Variants in CMIP observed in about 807,000 individuals in gnomAD.
The protein encoded by CMIP is C-Maf-inducing protein.
A neutral mutation model predicts 97.3 loss-of-function variants in CMIP; 13 were observed. The ratio of observed to expected loss-of-function variants is 0.13; its 90% CI spans 0.09 to 0.21. The LOEUF is 0.21. Among genes scored for constraint, CMIP ranks in the 10% least tolerant of loss-of-function variants. CMIP has a pLI of 1.00. For synonymous variants in CMIP, 538 were observed against 436.3 expected (o/e 1.23, Z -2.91); for missense variants, 847 against 1,024.9 (o/e 0.83, Z 2.37).
chr16:81,551,682 A>T (rs889724362), intron 1 of CMIP, among the ~76,000 whole-genome samples: 3 of 152,198 alleles, frequency 2.0e-5, no homozygotes, highest in African/African-American at 4.8e-5. Context: ...TCATTTGGTG[A>T]CTAAGGCAAA....
chr16:81,600,372 A>G (rs1256895851), intron 1 of CMIP, among the ~76,000 whole-genome samples: 1 of 152,224 alleles, frequency 6.6e-6, no homozygotes, highest in Non-Finnish European at 1.5e-5. Flanking sequence ...TGAATGTATA[A>G]ACATGTGGCC....
At chr16:81,604,416 A>G (rs79997606) in intron 1 of CMIP, among the ~76,000 whole-genome samples, 1 of 144,106 alleles carries the variant, frequency 6.9e-6, no homozygotes, top group African/African-American at 2.6e-5. Context: ...AAAAAAAAAA[A>G]GGACCGGCTG....
chr16:81,527,380 C>T (rs932201138), intron 1 of CMIP, among the ~76,000 whole-genome samples: 3 of 152,128 alleles, frequency 2.0e-5, no homozygotes, highest in Non-Finnish European at 4.4e-5. Context: ...AAAAAAACAC[C>T]AACAGGGACA....
Position 81,475,597 on chromosome 16 carries a change from C to A in CMIP, c.300+30056C>A, listed in dbSNP as rs576876854. On this transcript the variant is annotated intron_variant, in intron 1 of 20. Coordinates refer to ENST00000537098, the MANE Select transcript of CMIP (RefSeq NM_198390.3). ...AACAAAACATGGAACCCAAAGGAAA[C>A]TGCAGTGAGAGCACAAAGATTCTAG... 2.0e-5 allele frequency among the ~76,000 whole-genome samples: 3 copies of A among 152,288 alleles called. No individual in the cohort carries two copies. The South Asian group carries it at 6.2e-4, about 32-fold the overall frequency.
intron 1 of CMIP, among the ~76,000 whole-genome samples, chr16:81,461,494 C>T (rs1906893488): frequency 6.6e-6 from 1 of 152,182 alleles, no homozygotes; most frequent in Admixed American, 6.6e-5. Context: ...AGCTCAGAGA[C>T]AGCCACTAAT....
intron 4 of CMIP, among the ~76,000 whole-genome samples, chr16:81,653,909 C>A (rs1440494754): frequency 6.6e-6 from 1 of 152,160 alleles, no homozygotes; most frequent in Admixed American, 6.5e-5. Flanking sequence ...CTCACATTCT[C>A]TCTGAAAGAT....
chr16:81,566,864 A>T (rs2090992784), intron 1 of CMIP, among the ~76,000 whole-genome samples: 1 of 152,240 alleles, frequency 6.6e-6, no homozygotes, highest in Non-Finnish European at 1.5e-5. Flanking sequence ...TATTATGTTG[A>T]ACAAAATAAA....
intron 19 of CMIP, 93 bp from the exon 20 acceptor site, chr16:81,706,921 G>A (rs1908215175): frequency 1.9e-6 from 2 of 1,028,432 alleles, no homozygotes; most frequent in Non-Finnish European, 3.0e-6. Context: ...AGGGGGCCTG[G>A]CACCTGCATT....
At chr16:81,603,408 T>C in intron 1 of CMIP, 1 of 454,456 alleles carries the variant, frequency 2.2e-6, no homozygotes, top group South Asian at 1.6e-5. Flanking sequence ...ATAAACATTT[T>C]CTTTTAGGAC....
At chr16:81,478,155 C>T (rs1339773805) in intron 1 of CMIP, among the ~76,000 whole-genome samples, 16 of 151,902 alleles carry the variant, frequency 1.1e-4, no homozygotes, top group Admixed American at 1.0e-3. Context: ...GTCTCCACTT[C>T]ACTCTTGGGA....
rs574578060 is a variant in CMIP, at chr16:81,629,535, G to A, written c.477+8609G>A. ...CACCTCCGTTTGCCCGTCTAACCCC[G>A]TCTTGGCCACCTTCCTCCCTCTCTG... On this transcript the variant is annotated intron_variant, in intron 3 of 20. Coordinates refer to ENST00000537098, the MANE Select transcript of CMIP (RefSeq NM_198390.3). Among the ~76,000 whole-genome samples the A allele has an allele frequency of 6.1e-4, 93 of 152,278 alleles. 1 individual carries two copies. Among genetic ancestry groups the A allele is most frequent in the Non-Finnish European group, 7.5e-4 (51 of 68,016 alleles).
intron 2 of CMIP, among the ~76,000 whole-genome samples, chr16:81,609,876 C>G (rs1254308837): frequency 6.6e-6 from 1 of 152,158 alleles, no homozygotes; most frequent in Non-Finnish European, 1.5e-5. Context: ...ATCACCCAGG[C>G]CTTGCCAGCC....
chr16:81,568,781 G>GACCAGCA (rs1194540172), intron 1 of CMIP, among the ~76,000 whole-genome samples: 1 of 152,222 alleles, frequency 6.6e-6, no homozygotes, highest in Non-Finnish European at 1.5e-5. Context: ...TGGAAAAGCA[G>GACCAGCA]ACCAGCAACC....
chr16:81,708,912 A>C (rs1419740480), intron 20 of CMIP, among the ~76,000 whole-genome samples: 2 of 152,196 alleles, frequency 1.3e-5, no homozygotes, highest in Non-Finnish European at 2.9e-5. Flanking sequence ...GTGTTCATGC[A>C]TACATACGTG....
intron 1 of CMIP, among the ~76,000 whole-genome samples, chr16:81,576,164 G>T (rs1490548763): frequency 6.6e-6 from 1 of 152,234 alleles, no homozygotes; most frequent in Non-Finnish European, 1.5e-5. Flanking sequence ...AGCACTTTGG[G>T]AGGCTGAGGC....
rs775180229 is a variant in CMIP, at chr16:81,705,486, C to T, written c.2092-13C>T. The T allele has an allele frequency of 6.3e-7, 1 of 1,578,140 alleles. No individual in the cohort carries two copies. Among genetic ancestry groups the T allele is most frequent in the African/African-American group, 1.3e-5 (1 of 74,202 alleles). On this transcript the variant is annotated splice_polypyrimidine_tract_variant and intron_variant, in intron 18 of 20. Coordinates refer to ENST00000537098, the MANE Select transcript of CMIP (RefSeq NM_198390.3). The stretch of plus-strand genomic sequence containing the variant: ...GTGGCCGGGAGAGGGCTGAGAGTTT[C>T]TGTGCTCTACAGTTTGGAGACGCTG...
rs563704278 is a variant in CMIP, at chr16:81,513,562, G to A, written c.300+68021G>A. 1.2e-4 allele frequency among the ~76,000 whole-genome samples: 19 copies of A among 152,330 alleles called. No individual in the cohort carries two copies. In the South Asian group the frequency reaches 3.1e-3, roughly 25 times the overall value. On this transcript the variant is annotated intron_variant, in intron 1 of 20. Transcript: ENST00000537098. ...GACACCTTCCTGGGGCTGAGCCGGC[G>A]TGGAGCTGGGATTGTACCTCCAGCT...
At chr16:81,577,967 CATT>C (rs1289073573) in intron 1 of CMIP, among the ~76,000 whole-genome samples, 4 of 132,482 alleles carry the variant, frequency 3.0e-5, no homozygotes, top group East Asian at 2.0e-4. Context: ...ATTACCACTA[CATT>C]ATTATCACTA....
Position 81,678,584 on chromosome 16 carries a change from G to A in CMIP, c.1344G>A (p.Gln448=). 6.2e-7 allele frequency: 1 copy of A among 1,604,860 alleles called. No homozygotes were observed. The highest frequency in any genetic ancestry group is 1.7e-5 in the Admixed American group (1 of 59,724). ...CCATGAGCATCGAGCTGGGCCCCCA[G>A]GCCGACCGCACGCTCGGCTGCTACG... The part of the protein sequence containing the change: ...CSTMSIELGP[Q]ADRTLGCYVE... Residue 448 remains glutamine, a synonymous_variant, in exon 10 of 21, where the codon CAG becomes CAA. Coordinates refer to ENST00000537098, the MANE Select transcript of CMIP (RefSeq NM_198390.3).
Sources: allele counts gnomAD v4.1 joint callset (sites outside exome capture counted in the v4.1 genomes callset), GRCh38; gene constraint gnomAD v4.1.1; transcripts MANE v1.5; gene names NCBI Gene and HGNC (gene_info 2026-07-23, HGNC 2026-07-21).